The following MAP3K15 variants were observed in gnomAD, a reference collection of about 807,000 sequenced individuals.
MAP3K15 encodes the protein MAPK/ERK kinase kinase 15.
MAP3K15 carries 124 observed loss-of-function variants against 99.5 expected under a neutral mutation model. The observed-to-expected ratio is 1.25, with a 90% CI of 1.08 to 1.45. MAP3K15 has a LOEUF of 1.45. Among genes scored for constraint, MAP3K15 ranks in the 40% most tolerant of loss-of-function variants. MAP3K15 has a pLI of 0.00. For missense variants in MAP3K15, 1,242 were observed against 1,079.7 expected (o/e 1.15, Z -2.11); for synonymous variants, 494 against 439.6 (o/e 1.12, Z -1.55).
chrX:19,424,185 T>C (rs1042576560), intron 9 of MAP3K15, among the ~76,000 whole-genome samples: 1 of 106,108 alleles, frequency 9.4e-6, no homozygotes, highest in South Asian at 4.0e-4. Flanking sequence ...CAGCAAATCA[T>C]GTATATATAC....
intron 6 of MAP3K15, among the ~76,000 whole-genome samples, chrX:19,446,518 A>G (rs1457940806): frequency 8.9e-6 from 1 of 111,907 alleles, no homozygotes; most frequent in African/African-American, 3.3e-5. Flanking sequence ...AACCTGGCTC[A>G]TGTCAGTCCA....
rs201259816 is a variant in MAP3K15, at chrX:19,361,300, A to G, written c.3857+39T>C. Reference sequence around the variant, plus strand: ...TCTTGAAGCATATTCACACATAAAAAGTTGTATTCTCTTATACAAACTGTT... The same window carrying G: ...TCTTGAAGCATATTCACACATAAAAGGTTGTATTCTCTTATACAAACTGTT... On this transcript the variant is annotated intron_variant, in intron 28 of 28. Transcript: ENST00000338883. The G allele has an allele frequency of 6.4e-4, 689 of 1,074,939 alleles. 2 individuals carry two copies. The highest frequency in any genetic ancestry group is 7.7e-4 in the Non-Finnish European group (604 of 783,293). The allele number at this position is 1,074,939 out of a possible 1,213,427, so 88.6% of individuals were successfully genotyped here.
chrX:19,418,815 G>A (rs2147288784), intron 9 of MAP3K15, among the ~76,000 whole-genome samples: 1 of 112,189 alleles, frequency 8.9e-6, no homozygotes, highest in South Asian at 3.7e-4. Context: ...ACAAAGGGAA[G>A]CCCATCAGAC....
At chrX:19,418,362 T>C (rs2063754541) in intron 9 of MAP3K15, among the ~76,000 whole-genome samples, 1 of 110,940 alleles carries the variant, frequency 9.0e-6, no homozygotes, top group African/African-American at 3.3e-5. Context: ...CTGATGGAGC[T>C]GAAAACCAAG....
At chrX:19,393,760 CTTTTTTTTTTTTTTT>C (rs761246318) in intron 16 of MAP3K15, among the ~76,000 whole-genome samples, 2 of 60,243 alleles carry the variant, frequency 3.3e-5, no homozygotes, top group Non-Finnish European at 5.7e-5. Flanking sequence ...CTGCCTGGCT[CTTTTTTTTTTTTTTT>C]TTTTTTTTTT....
Position 19,488,858 on chromosome X carries a change from G to A in MAP3K15, c.471C>T (p.Asp157=), listed in dbSNP as rs1278244160. 5.8e-6 allele frequency: 7 copies of A among 1,197,681 alleles called. No individual in the cohort carries two copies. The highest frequency in any genetic ancestry group is 3.0e-5 in the East Asian group (1 of 33,763). ...DMANNVILYH[D]TDADTALSLK... ...AAGAGAGAGCAGTGTCGGCATCGGT[G>A]TCATGGTACAAGATCACATTATTGG... Residue 157 remains aspartate, a synonymous_variant, in exon 2 of 29, where the codon GAC becomes GAT. Coordinates refer to ENST00000338883, the MANE Select transcript of MAP3K15 (RefSeq NM_001001671.4).
In MAP3K15 at chrX:19,385,114, CT is replaced by C. The variant is rs368868880; in HGVS notation, c.2432-4838del. Reference sequence around the variant, plus strand: ...CAACTCAAACAACAAATAGTTAGGTCTTACAGCGTTTCTAAGGGTTGAAATC... The same window carrying C: ...CAACTCAAACAACAAATAGTTAGGTCTACAGCGTTTCTAAGGGTTGAAATC... On this transcript the variant is annotated intron_variant, in intron 18 of 28. Transcript: ENST00000338883. Among the ~76,000 whole-genome samples the C allele has an allele frequency of 4.0e-3, 445 of 111,793 alleles. 4 individuals carry two copies. The highest frequency in any genetic ancestry group is 0.014 in the African/African-American group (419 of 30,776).
chrX:19,360,641 G>A lies in MAP3K15; in HGVS notation c.*108C>T, dbSNP rs1000809999. The A allele has an allele frequency of 2.8e-5, 16 of 574,911 alleles. No homozygotes were observed. Among genetic ancestry groups the A allele is most frequent in the Non-Finnish European group, 4.2e-5 (15 of 352,951 alleles). 47.4% of individuals were successfully genotyped at this position (574,911 alleles called of 1,213,427 possible). ...GTTCTTAAACTATTAATTGAACAATGGCATTTTTAAATATGTAAACACAGC... is the reference window on the plus strand; with the variant it reads ...GTTCTTAAACTATTAATTGAACAATAGCATTTTTAAATATGTAAACACAGC... On this transcript the variant is annotated 3_prime_UTR_variant, in exon 29 of 29. Transcript: ENST00000338883.
chrX:19,443,385 T>G (rs1476861576), intron 6 of MAP3K15, among the ~76,000 whole-genome samples: 3 of 111,686 alleles, frequency 2.7e-5, no homozygotes, highest in African/African-American at 9.8e-5. Flanking sequence ...ACAATGTTAC[T>G]AGGCACTGGC....
At position 19,402,109 on chromosome X, in the gene MAP3K15, C is replaced by T. The variant is rs778031185; in HGVS notation, c.1845-1446G>A. Among the ~76,000 whole-genome samples the T allele has an allele frequency of 5.4e-4, 57 of 104,608 alleles. 1 individual carries two copies. The highest frequency in any genetic ancestry group is 8.6e-4 in the South Asian group (2 of 2,317). 90.8% of individuals were successfully genotyped at this position (104,608 alleles called of 115,157 possible). On this transcript the variant is annotated intron_variant, in intron 13 of 28. Transcript: ENST00000338883. ...TCGAGACCAACCTGGGCAACGTGGC[C>T]GAAACCCCGTTTCTACAATTTTTTT...
Position 19,424,398 on chromosome X carries a change from C to T in MAP3K15, c.1439+1133G>A, listed in dbSNP as rs193138381. On this transcript the variant is annotated intron_variant, in intron 9 of 28. Transcript: ENST00000338883. ...TGCAGGTTTGTTACCACAATTCTAA[C>T]GGAGCTTCATGTCTATGGGGAAATC... is the stretch of plus-strand genomic sequence containing the variant. 3.0e-3 allele frequency among the ~76,000 whole-genome samples: 328 copies of T among 109,342 alleles called. 1 individual carries two copies. Among genetic ancestry groups the T allele is most frequent in the African/African-American group, 0.01 (307 of 30,093 alleles). 95.0% of individuals were successfully genotyped at this position (109,342 alleles called of 115,157 possible). A position where few individuals can be genotyped will look rare whatever the true frequency, so the allele number is the denominator to read the frequency against.
chrX:19,402,485 A>G (rs1207607694), intron 13 of MAP3K15, among the ~76,000 whole-genome samples: 1 of 110,911 alleles, frequency 9.0e-6, no homozygotes. Flanking sequence ...TACTCAATAG[A>G]AATCAATATA....
At chrX:19,418,054 T>C (rs1223417745) in intron 9 of MAP3K15, among the ~76,000 whole-genome samples, 1 of 111,119 alleles carries the variant, frequency 9.0e-6, no homozygotes, top group Admixed American at 9.6e-5. Context: ...GTCACCTTCA[T>C]CAAAGACCAA....
At chrX:19,494,236 G>A (rs922575546) in intron 1 of MAP3K15, among the ~76,000 whole-genome samples, 1 of 111,333 alleles carries the variant, frequency 9.0e-6, no homozygotes, top group African/African-American at 3.3e-5. Context: ...TGAGGCAAGA[G>A]GAGCACTTGA....
intron 7 of MAP3K15, among the ~76,000 whole-genome samples, chrX:19,430,533 G>A (rs144367337): frequency 0.039 from 4,411 of 111,720 alleles, 217 homozygotes; most frequent in African/African-American, 0.13. Context: ...GGGTTGTTAC[G>A]CAGCAAGTGA....
chrX:19,429,975 C>T (rs1411708018), intron 7 of MAP3K15, among the ~76,000 whole-genome samples: 1 of 111,596 alleles, frequency 9.0e-6, no homozygotes, highest in African/African-American at 3.2e-5. Context: ...CTCAAGCCAC[C>T]ACCAGCTCTC....
chrX:19,515,084 C>A lies in MAP3K15; in HGVS notation c.178G>T (p.Ala60Ser). Reference protein sequence around the residue: ...EGESGGGPRRALRAVYVRSES... With the variant: ...EGESGGGPRRSLRAVYVRSES... Reference sequence around the variant, plus strand: ...CTGCGCACGTATACTGCCCGCAGAGCCCGCCGCGGCCCGCCCCCACTCTCG... The same window carrying A: ...CTGCGCACGTATACTGCCCGCAGAGACCGCCGCGGCCCGCCCCCACTCTCG... Residue 60 changes from alanine to serine, a missense_variant, in exon 1 of 29, where the codon GCT becomes TCT. Transcript: ENST00000338883. 1.2e-6 allele frequency: 1 copy of A among 864,209 alleles called. No homozygotes were observed. Among genetic ancestry groups the A allele is most frequent in the Non-Finnish European group, 1.5e-6 (1 of 669,461 alleles). The allele number at this position is 864,209 out of a possible 1,213,427, so 71.2% of individuals were successfully genotyped here. A position where few individuals can be genotyped will look rare whatever the true frequency, so the allele number is the denominator to read the frequency against.
intron 11 of MAP3K15, among the ~76,000 whole-genome samples, chrX:19,410,515 C>T (rs780211269): frequency 8.9e-6 from 1 of 112,151 alleles, no homozygotes; most frequent in Admixed American, 9.5e-5. Context: ...AGGCCTGACT[C>T]AAAAACTCCA....
chrX:19,495,050 C>T (rs893147706), intron 1 of MAP3K15, among the ~76,000 whole-genome samples: 5 of 111,802 alleles, frequency 4.5e-5, no homozygotes, highest in East Asian at 2.8e-4. Flanking sequence ...CTTGCTCTGT[C>T]GCCCAGGCTG....
Sources: gnomAD v4.1 joint callset for allele counts (sites outside exome capture counted in the v4.1 genomes callset) on GRCh38, gnomAD v4.1.1 for gene constraint, MANE v1.5 for transcripts, NCBI Gene and HGNC (gene_info 2026-07-23, HGNC 2026-07-21) for gene names.